Variants in TMCO4 observed in about 807,000 individuals in gnomAD.
The protein encoded by TMCO4 is transmembrane and coiled-coil domains 4.
A neutral mutation model predicts 64.7 loss-of-function variants in TMCO4; 58 were observed. That is an observed-to-expected ratio of 0.90 (90% CI 0.73 to 1.12). TMCO4 has a LOEUF of 1.12. Ranked by LOEUF, TMCO4 falls within the 50% of genes most tolerant of loss-of-function variation. TMCO4 has a pLI of 0.00. For missense variants in TMCO4, 780 were observed against 825.9 expected, an observed-to-expected ratio of 0.94 and a Z score of 0.68; for synonymous variants, 325 against 346.1, an observed-to-expected ratio of 0.94 and a Z score of 0.68.
chr1:19,682,249 T>G lies in TMCO4; in HGVS notation c.*791A>C. On this transcript the variant is annotated 3_prime_UTR_variant, in exon 16 of 16. Coordinates refer to ENST00000294543, the MANE Select transcript of TMCO4 (RefSeq NM_181719.7). ...CTCAAGAAGTGGTAGCTTCTTCTTA[T>G]TATTATTTATTGCTGTTGTTATCCC... 5.2e-6 allele frequency: 1 copy of G among 193,546 alleles called. No individual in the cohort carries two copies. The allele number at this position is 193,546 out of a possible 1,614,324, so 12.0% of individuals were successfully genotyped here. A position where few individuals can be genotyped will look rare whatever the true frequency, so the allele number is the denominator to read the frequency against.
intron 13 of TMCO4, among the ~76,000 whole-genome samples, chr1:19,706,508 T>A (rs906329111): frequency 6.6e-6 from 1 of 152,218 alleles, no homozygotes; most frequent in Non-Finnish European, 1.5e-5. Context: ...ACTTTTTATG[T>A]AAAAGAGGGC....
chr1:19,748,823 C>CAAATGAAT (rs1553142650), intron 7 of TMCO4, among the ~76,000 whole-genome samples: 1 of 93,444 alleles, frequency 1.1e-5, no homozygotes, highest in East Asian at 5.8e-4. Context: ...GACCCTGTCT[C>CAAATGAAT]GAATGAATGA....
chr1:19,749,843 C>T (rs2041950692), intron 7 of TMCO4, among the ~76,000 whole-genome samples: 1 of 152,218 alleles, frequency 6.6e-6, no homozygotes, highest in African/African-American at 2.4e-5. Context: ...ACAAGAAATA[C>T]ACCTTTAATC....
chr1:19,789,377 C>T (rs1404104867), intron 2 of TMCO4, among the ~76,000 whole-genome samples: 1 of 152,058 alleles, frequency 6.6e-6, no homozygotes, highest in Non-Finnish European at 1.5e-5. Flanking sequence ...GCACTGTACT[C>T]CAGCCTGGGC....
chr1:19,697,784 T>G (rs2095246642), intron 14 of TMCO4, among the ~76,000 whole-genome samples: 1 of 151,556 alleles, frequency 6.6e-6, no homozygotes, highest in African/African-American at 2.4e-5. Flanking sequence ...TTTTTTTTTT[T>G]TTTTTTTGTG....
intron 15 of TMCO4, among the ~76,000 whole-genome samples, chr1:19,685,814 T>C (rs1023100777): frequency 2.0e-5 from 3 of 148,812 alleles, no homozygotes; most frequent in African/African-American, 7.3e-5. Context: ...CCTAGGTTCA[T>C]GCCATTCTCC....
chr1:19,751,840 A>C (rs1027164011), intron 7 of TMCO4, among the ~76,000 whole-genome samples: 3 of 152,070 alleles, frequency 2.0e-5, no homozygotes, highest in African/African-American at 7.2e-5. Context: ...CGAGGTCAGG[A>C]GATCGAGACC....
chr1:19,747,405 C>CCT, intron 7 of TMCO4, 145 bp from the exon 8 acceptor site: 1 of 722,756 alleles, frequency 1.4e-6, no homozygotes, highest in Non-Finnish European at 2.4e-6. Context: ...CTTGAGCCCA[C>CCT]TGATGGTTTA....
chr1:19,736,649 A>G, intron 13 of TMCO4, among the ~76,000 whole-genome samples: 1 of 150,596 alleles, frequency 6.6e-6, no homozygotes, highest in South Asian at 2.1e-4. Flanking sequence ...CAAAACCAGC[A>G]TTCTGCCCTG....
intron 6 of TMCO4, among the ~76,000 whole-genome samples, chr1:19,765,575 C>T (rs905949119): frequency 2.6e-5 from 4 of 152,216 alleles, no homozygotes; most frequent in African/African-American, 7.2e-5. Flanking sequence ...ACAGAATGAT[C>T]CAGCCTCAAA....
rs35722858 is a variant in TMCO4 at position 19,745,569 on chromosome 1, G to A, written c.840C>T (p.Thr280=). The change falls in exon 10 of 16, where the codon ACC becomes ACT. Residue 280 remains threonine (T), a synonymous_variant. Transcript: ENST00000294543. ...AAGCGAGCCACCCCGTGACGGCGAT[G>A]GTGATGTGCAGCTGCCTGCCCTCCG... is the stretch of plus-strand genomic sequence containing the variant. The part of the protein sequence containing the change: ...PLTEGRQLHI[T]IAVTGWLASG... 3,538 of 1,614,148 alleles carry A rather than the reference G, an allele frequency of 2.2e-3. 75 individuals carry two copies. The African/African-American group carries it at 0.041, about 19-fold the overall frequency.
At chr1:19,696,212 A>G (rs939675787) in intron 14 of TMCO4, among the ~76,000 whole-genome samples, 1 of 152,208 alleles carries the variant, frequency 6.6e-6, no homozygotes, top group Admixed American at 6.5e-5. Context: ...GCTTTCAGGT[A>G]CCGATGATTA....
chr1:19,740,942 C>A lies in TMCO4; in HGVS notation c.878-1G>T. 6.3e-7 allele frequency: 1 copy of A among 1,598,772 alleles called. No homozygotes were observed. ...GCAGCCCACGGGGCACTGAAGGTGC[C>A]TGGGGAGATCACAGGTAGGTGAAGT... On this transcript the variant is annotated splice_acceptor_variant, in intron 10 of 15. Coordinates refer to ENST00000294543, the MANE Select transcript of TMCO4 (RefSeq NM_181719.7). LOFTEE classifies it high-confidence loss of function.
At chr1:19,740,717 A>C (rs1305196714) in intron 11 of TMCO4, 60 bp downstream of exon 11, 2 of 1,547,670 alleles carry the variant, frequency 1.3e-6, no homozygotes, top group East Asian at 4.5e-5. Context: ...CTATGGTACC[A>C]CTGTGTTGGG....
At chr1:19,785,791 CA>C (rs1245352197) in intron 3 of TMCO4, among the ~76,000 whole-genome samples, 2 of 152,088 alleles carry the variant, frequency 1.3e-5, no homozygotes, top group African/African-American at 4.8e-5. Flanking sequence ...AGGAAGTGGT[CA>C]GGGGGAGGAA....
intron 3 of TMCO4, among the ~76,000 whole-genome samples, chr1:19,784,765 G>A (rs1367875325): frequency 1.2e-5 from 1 of 82,258 alleles, no homozygotes; most frequent in Non-Finnish European, 2.4e-5. Context: ...CAATCTTTTG[G>A]CTTCCCTGGG....
chr1:19,692,893 C>G (rs942334139), intron 15 of TMCO4, among the ~76,000 whole-genome samples: 2 of 151,840 alleles, frequency 1.3e-5, no homozygotes, highest in African/African-American at 4.8e-5. Context: ...TGAAGTTGGT[C>G]AGGCACGGTG....
intron 3 of TMCO4, among the ~76,000 whole-genome samples, chr1:19,785,045 C>T (rs966888663): frequency 1.3e-5 from 2 of 152,264 alleles, no homozygotes; most frequent in African/African-American, 4.8e-5. Flanking sequence ...CCACACCGGT[C>T]TTGTTCACTA....
chr1:19,720,035 G>T (rs1315318821), intron 13 of TMCO4, among the ~76,000 whole-genome samples: 1 of 121,848 alleles, frequency 8.2e-6, no homozygotes, highest in East Asian at 2.2e-4. Context: ...TGTAGAGATG[G>T]CGTCTTGTTT....
Sources: gnomAD v4.1 joint callset for allele counts (sites outside exome capture counted in the v4.1 genomes callset) on GRCh38, gnomAD v4.1.1 for gene constraint, MANE v1.5 for transcripts, NCBI Gene and HGNC (gene_info 2026-07-23, HGNC 2026-07-21) for gene names.